TMEM150B: variants seen among roughly 807,000 people sequenced by gnomAD.
TMEM150B encodes transmembrane protein 150B.
Under a neutral mutation model 25.2 loss-of-function variants are expected in TMEM150B, and 33 were observed. The ratio of observed to expected loss-of-function variants is 1.31; its 90% confidence interval spans 0.99 to 1.75. The LOEUF (loss-of-function observed/expected upper bound fraction) is 1.75. TMEM150B is among the 40% of genes most tolerant of loss of function. The pLI, the probability that TMEM150B is intolerant of heterozygous loss-of-function variation, is 0.00. For missense variants in TMEM150B, 322 were observed against 306.1 expected (o/e 1.05, Z -0.39); for synonymous variants, 133 against 134.8 (o/e 0.99, Z 0.09).
At chr19:55,316,298 G>A (rs1276024311) in intron 7 of TMEM150B, among the ~76,000 whole-genome samples, 3 of 152,136 alleles carry the variant, frequency 2.0e-5, no homozygotes, top group African/African-American at 7.2e-5. Flanking sequence ...CTCCATTGCA[G>A]AACCTCACGC....
At chr19:55,316,343 C>T (rs928267967) in intron 7 of TMEM150B, among the ~76,000 whole-genome samples, 6 of 122,476 alleles carry the variant, frequency 4.9e-5, no homozygotes, top group African/African-American at 9.6e-5. Flanking sequence ...TGTCTGAACC[C>T]GTCTTCACTC....
downstream of TMEM150B, chr19:55,311,872 G>A: frequency 6.2e-7 from 1 of 1,604,098 alleles, no homozygotes; most frequent in Middle Eastern, 1.7e-4. Context: ...CCCAACCCTG[G>A]GCTGCGGAAC....
Position 55,320,024 on chromosome 19 carries a change from C to T in TMEM150B, c.324+15G>A, listed in dbSNP as rs750334131. Reference sequence around the variant, plus strand: ...CGCCGGCCGGGACAGACCCTGGGCGCCGACTGGGTCTCACCTGGAAATTGC... The same window carrying T: ...CGCCGGCCGGGACAGACCCTGGGCGTCGACTGGGTCTCACCTGGAAATTGC... On this transcript the variant is annotated intron_variant, in intron 6 of 7. Coordinates refer to ENST00000326652, the MANE Select transcript of TMEM150B (RefSeq NM_001282011.2). 6.2e-7 allele frequency: 1 copy of T among 1,613,932 alleles called. No individual in the cohort carries two copies. The highest frequency in any genetic ancestry group is 1.7e-5 in the Admixed American group (1 of 60,002).
intron 3 of TMEM150B, 78 bp from the exon 4 acceptor site, chr19:55,320,695 T>C: frequency 6.4e-7 from 1 of 1,561,756 alleles, no homozygotes; most frequent in South Asian, 1.1e-5. Context: ...CAAGGACTTC[T>C]AGCCCCCTCC....
At chr19:55,317,020 G>T in intron 6 of TMEM150B, 54 bp from the exon 7 acceptor site, 1 of 1,527,244 alleles carries the variant, frequency 6.5e-7, no homozygotes, top group Non-Finnish European at 8.8e-7. Context: ...AGGGTAAGGG[G>T]CACCAGAGGG....
In TMEM150B at chr19:55,322,741, A is replaced by G. The variant is rs1052573376; in HGVS notation, c.-151T>C. ...CATTCGGGGTGGGGCTCAGGCAGAC[A>G]TCCTGCAGAGGCAAAGTCCAGGCTG... is the stretch of plus-strand genomic sequence containing the variant. On this transcript the variant is annotated splice_region_variant and 5_prime_UTR_variant, in exon 2 of 8. An upstream start codon of the reference 5' UTR is lost. Transcript: ENST00000326652. The G allele has an allele frequency of 2.0e-5, 20 of 985,216 alleles. No individual in the cohort carries two copies. The highest frequency in any genetic ancestry group is 2.4e-5 in the Non-Finnish European group (20 of 829,970). 61.0% of individuals were successfully genotyped at this position (985,216 alleles called of 1,614,324 possible). A position where few individuals can be genotyped will look rare whatever the true frequency, so the allele number is the denominator to read the frequency against.
intron 7 of TMEM150B, among the ~76,000 whole-genome samples, chr19:55,313,278 C>G (rs895045910): frequency 1.3e-5 from 2 of 152,148 alleles, no homozygotes; most frequent in African/African-American, 4.8e-5. Context: ...TGCGTGCACC[C>G]CCGTTACTAT....
chr19:55,319,896 A>C (rs1600227130), intron 6 of TMEM150B, 143 bp downstream of exon 6: 97 of 1,439,076 alleles, frequency 6.7e-5, no homozygotes, highest in East Asian at 1.8e-4. Context: ...GTCCAAGGCC[A>C]CTGGCCAGAG....
chr19:55,321,245 A>G (rs934019473), intron 2 of TMEM150B, among the ~76,000 whole-genome samples, 152 bp from the exon 3 acceptor site: 6 of 151,646 alleles, frequency 4.0e-5, no homozygotes, highest in Non-Finnish European at 7.4e-5. Context: ...CCTATCCCGC[A>G]GTGTTCAACC....
rs73605156 is a variant in TMEM150B, at chr19:55,316,952, C to T, written c.339G>A (p.Arg113=). The T allele has an allele frequency of 6.1e-4, 972 of 1,600,512 alleles. 3 individuals carry two copies. The African/African-American group carries it at 9.0e-3, about 15-fold the overall frequency. Residue 113 remains arginine, a synonymous_variant, in exon 7 of 8, where the codon CGG becomes CGA. Transcript: ENST00000326652. ...VVGNFQEKNQ[R]PTHLAGAFLA... Reference sequence around the variant, plus strand: ...GGAAGGCCCCTGCCAAGTGCGTAGGCCGCTGGTTCTTTTCCTGGGAGGAGA... The same window carrying T: ...GGAAGGCCCCTGCCAAGTGCGTAGGTCGCTGGTTCTTTTCCTGGGAGGAGA...
At chr19:55,322,550 G>T in intron 2 of TMEM150B, 98 bp downstream of exon 2, 1 of 439,960 alleles carries the variant, frequency 2.3e-6, no homozygotes, top group Non-Finnish European at 3.0e-6. Flanking sequence ...TCAGTGTTCA[G>T]TCCTAGCTCA....
intron 6 of TMEM150B, among the ~76,000 whole-genome samples, chr19:55,318,320 C>G (rs1358165970): frequency 6.6e-6 from 1 of 152,166 alleles, no homozygotes; most frequent in African/African-American, 2.4e-5. Flanking sequence ...CAAGATCTCA[C>G]CACTGCACTC....
chr19:55,321,040 G>A lies in TMEM150B; in HGVS notation c.-4C>T, dbSNP rs777575320. 12 of 1,612,994 alleles carry A rather than the reference G, an allele frequency of 7.4e-6. No homozygotes were observed. Among genetic ancestry groups the A allele is most frequent in the Admixed American group, 1.7e-5 (1 of 59,862 alleles). On this transcript the variant is annotated 5_prime_UTR_variant, in exon 3 of 8. Transcript: ENST00000326652. Reference sequence around the variant, plus strand: ...TCAGCGACAGGTAGCCCCACATGCCGGGCTCTGCAGGTGAAGGATCGGGGC... The same window carrying A: ...TCAGCGACAGGTAGCCCCACATGCCAGGCTCTGCAGGTGAAGGATCGGGGC...
intron 7 of TMEM150B, among the ~76,000 whole-genome samples, chr19:55,314,175 C>G (rs1255119630): frequency 6.6e-6 from 1 of 152,132 alleles, no homozygotes; most frequent in East Asian, 1.9e-4. Flanking sequence ...GCGTGTGCCA[C>G]CACACCTGGC....
At chr19:55,319,963 A>G (rs975834789) in intron 6 of TMEM150B, 76 bp downstream of exon 6, 3 of 1,604,456 alleles carry the variant, frequency 1.9e-6, no homozygotes, top group African/African-American at 1.3e-5. Flanking sequence ...CAATAAGCCT[A>G]TGGCCACGGG....
intron 7 of TMEM150B, among the ~76,000 whole-genome samples, chr19:55,314,158 A>T (rs1378873979): frequency 6.6e-6 from 1 of 152,126 alleles, no homozygotes; most frequent in Non-Finnish European, 1.5e-5. Context: ...AGCAGCTGGG[A>T]CTACAGGCGT....
At chr19:55,317,324 A>G (rs2089039073) in intron 6 of TMEM150B, among the ~76,000 whole-genome samples, 1 of 152,206 alleles carries the variant, frequency 6.6e-6, no homozygotes, top group African/African-American at 2.4e-5. Context: ...ACGGATACAT[A>G]GCACATATTC....
At chr19:55,321,968 T>C (rs1163049789) in intron 2 of TMEM150B, among the ~76,000 whole-genome samples, 3 of 152,150 alleles carry the variant, frequency 2.0e-5, no homozygotes, top group African/African-American at 4.8e-5. Flanking sequence ...AGGCTGAGCA[T>C]GGGTGGGAAG....
chr19:55,321,087 C>A lies in TMEM150B; in HGVS notation c.-51G>T. ...GGGCTGAGGCTGGACACCTGTCTCT[C>A]TCACACCTGAAGAACCAGCCCTCAA... On this transcript the variant is annotated 5_prime_UTR_variant, in exon 3 of 8. Transcript: ENST00000326652. The A allele has an allele frequency of 6.3e-7, 1 of 1,580,772 alleles. No individual in the cohort carries two copies. Among genetic ancestry groups the A allele is most frequent in the Non-Finnish European group, 8.6e-7 (1 of 1,164,224 alleles).
Sources: allele counts gnomAD v4.1 joint callset (sites outside exome capture counted in the v4.1 genomes callset), GRCh38; gene constraint gnomAD v4.1.1; transcripts MANE v1.5; gene names NCBI Gene and HGNC (gene_info 2026-07-23, HGNC 2026-07-21).